Variants in FAT3 observed in about 807,000 individuals in gnomAD.
FAT3 encodes protocadherin Fat 3.
In FAT3, 95 loss-of-function variants were observed where a neutral mutation model predicts 310.2. That is an observed-to-expected ratio of 0.31 (90% CI 0.26 to 0.36). The LOEUF (loss-of-function observed/expected upper bound fraction) is 0.36, where lower values mean the gene tolerates loss of function less well. Ranked by LOEUF, FAT3 falls within the 10% of genes least tolerant of loss-of-function variation. FAT3 has a pLI of 1.00. For missense variants in FAT3, 5,408 were observed against 5,715.6 expected (o/e 0.95, Z 1.74); for synonymous variants, 2,314 against 2,192.9 (o/e 1.06, Z -1.54).
intron 4 of FAT3, among the ~76,000 whole-genome samples, chr11:92,714,306 G>A (rs1185861228): frequency 1.3e-5 from 2 of 152,106 alleles, no homozygotes; most frequent in African/African-American, 4.8e-5. Context: ...CTTAAAGCTT[G>A]GAAGTGCAAT....
intron 4 of FAT3, among the ~76,000 whole-genome samples, chr11:92,705,663 GTGATGGTGTAGTGATC>G (rs1944298882): frequency 1.2e-5 from 1 of 86,640 alleles, no homozygotes. Context: ...TGATGGTGGT[GTGATGGTGTAGTGATC>G]GTGGTGGTGT....
At chr11:92,530,561 T>C (rs1430307652) in intron 3 of FAT3, among the ~76,000 whole-genome samples, 2 of 151,710 alleles carry the variant, frequency 1.3e-5, no homozygotes, top group African/African-American at 4.9e-5. Context: ...GAGCAAAATA[T>C]CACATGGATT....
At chr11:92,559,508 T>C (rs1244435472) in intron 3 of FAT3, 1 of 366,872 alleles carries the variant, frequency 2.7e-6, no homozygotes, top group Non-Finnish European at 5.5e-6. Context: ...CCTCAGCCTC[T>C]TGAGTAGCTG....
At chr11:92,387,831 G>A (rs1949661923) in intron 2 of FAT3, among the ~76,000 whole-genome samples, 1 of 152,180 alleles carries the variant, frequency 6.6e-6, no homozygotes. Flanking sequence ...AAGCTGGGAA[G>A]CATGGATTTC....
intron 1 of FAT3, among the ~76,000 whole-genome samples, chr11:92,303,326 C>T (rs981313429): frequency 6.6e-6 from 1 of 152,064 alleles, no homozygotes; most frequent in Non-Finnish European, 1.5e-5. Context: ...TCCATTTCCC[C>T]TCTATTGCAC....
intron 14 of FAT3, among the ~76,000 whole-genome samples, chr11:92,832,334 C>CA (rs1279382932): frequency 3.3e-5 from 5 of 151,240 alleles, no homozygotes; most frequent in African/African-American, 1.2e-4. Flanking sequence ...AGACTGTGTC[C>CA]AAAAAAAATA....
chr11:92,526,526 TG>T (rs1953871054), intron 3 of FAT3, among the ~76,000 whole-genome samples: 1 of 152,128 alleles, frequency 6.6e-6, no homozygotes, highest in East Asian at 1.9e-4. Flanking sequence ...AATAAAAAGC[TG>T]CAAAAGGGAA....
chr11:92,611,736 A>G (rs1440634834), intron 3 of FAT3, among the ~76,000 whole-genome samples: 1 of 152,166 alleles, frequency 6.6e-6, no homozygotes, highest in Non-Finnish European at 1.5e-5. Flanking sequence ...TATAGGAATT[A>G]TAGGGGGAGA....
chr11:92,310,582 A>G (rs1171630881), intron 1 of FAT3, among the ~76,000 whole-genome samples: 1 of 152,106 alleles, frequency 6.6e-6, no homozygotes, highest in Non-Finnish European at 1.5e-5. Flanking sequence ...ACATGGATAT[A>G]ATGTGTATTG....
intron 1 of FAT3, among the ~76,000 whole-genome samples, chr11:92,277,967 C>G (rs1026130142): frequency 1.3e-5 from 2 of 151,982 alleles, no homozygotes; most frequent in African/African-American, 2.4e-5. Flanking sequence ...GCCTGTATTC[C>G]CAGCTCCTCA....
intron 2 of FAT3, among the ~76,000 whole-genome samples, chr11:92,518,955 A>G (rs1591393272): frequency 6.6e-6 from 1 of 152,222 alleles, no homozygotes; most frequent in Non-Finnish European, 1.5e-5. Flanking sequence ...AAAGCTGTCA[A>G]GATGCCAGTT....
chr11:92,503,398 G>A (rs905110073), intron 2 of FAT3, among the ~76,000 whole-genome samples: 1 of 152,018 alleles, frequency 6.6e-6, no homozygotes, highest in Admixed American at 6.6e-5. Context: ...ATAGTAAATA[G>A]TGTTTACTAT....
chr11:92,643,899 T>A (rs929544614), intron 3 of FAT3, among the ~76,000 whole-genome samples: 2 of 152,046 alleles, frequency 1.3e-5, no homozygotes, highest in Non-Finnish European at 2.9e-5. Context: ...AATTGCCTCA[T>A]GTGATTTATC....
At chr11:92,386,063 G>A (rs1012905965) in intron 2 of FAT3, among the ~76,000 whole-genome samples, 7 of 149,456 alleles carry the variant, frequency 4.7e-5, no homozygotes, top group East Asian at 3.9e-4. Flanking sequence ...TGGAAGGATC[G>A]CTTGAGCCTG....
At chr11:92,231,024 A>G (rs1340747973) in intron 1 of FAT3, among the ~76,000 whole-genome samples, 2 of 152,350 alleles carry the variant, frequency 1.3e-5, no homozygotes, top group East Asian at 3.9e-4. Flanking sequence ...GGCAGCCCAA[A>G]TGGGCTGTCG....
At chr11:92,811,570 T>C (rs1947673916) in intron 13 of FAT3, among the ~76,000 whole-genome samples, 1 of 152,140 alleles carries the variant, frequency 6.6e-6, no homozygotes, top group African/African-American at 2.4e-5. Context: ...TTTCACTTAT[T>C]TTGAGTCAGA....
At chr11:92,313,654 G>T (rs1947364457) in intron 1 of FAT3, among the ~76,000 whole-genome samples, 1 of 152,130 alleles carries the variant, frequency 6.6e-6, no homozygotes, top group Non-Finnish European at 1.5e-5. Flanking sequence ...CCGCCTCCTG[G>T]GTTCAAGCAG....
intron 13 of FAT3, among the ~76,000 whole-genome samples, chr11:92,814,216 G>A (rs764560864): frequency 2.6e-5 from 4 of 152,134 alleles, no homozygotes; most frequent in Non-Finnish European, 5.9e-5. Flanking sequence ...GACAGCCAGC[G>A]ATTGACTACA....
intron 20 of FAT3, among the ~76,000 whole-genome samples, chr11:92,857,799 A>T (rs1244652420): frequency 1.3e-5 from 2 of 152,180 alleles, no homozygotes; most frequent in Non-Finnish European, 2.9e-5. Flanking sequence ...CCATCTGGTG[A>T]ACCAAGTAAG....
Sources: allele counts gnomAD v4.1 joint callset (sites outside exome capture counted in the v4.1 genomes callset), GRCh38; gene constraint gnomAD v4.1.1; transcripts MANE v1.5; gene names NCBI Gene and HGNC (gene_info 2026-07-23, HGNC 2026-07-21).